Variants in ODF2L observed in about 807,000 individuals in gnomAD.
ODF2L encodes the protein protein BCAP.
In ODF2L, 76 loss-of-function variants were observed where a neutral mutation model predicts 86.3. The observed-to-expected ratio is 0.88, with a 90% CI of 0.73 to 1.07. The LOEUF is 1.07. ODF2L is among the 50% of genes least tolerant of loss of function. The pLI, the probability that ODF2L is intolerant of heterozygous loss-of-function variation, is 0.00. For missense variants in ODF2L, 748 were observed against 717.4 expected (o/e 1.04, Z -0.49); for synonymous variants, 241 against 231.3 (o/e 1.04, Z -0.38).
chr1:86,390,724 T>C lies in ODF2L; in HGVS notation c.-59-3638A>G, dbSNP rs572592385. On this transcript the variant is annotated intron_variant, in intron 1 of 17. Coordinates refer to ENST00000317336, the Ensembl canonical transcript of ODF2L. ...ATCTATGACAAACCCATAGCCAACA[T>C]AATACTGAATGGGGAAAAGTTGAAA... Among the ~76,000 whole-genome samples the C allele has an allele frequency of 2.0e-5, 3 of 152,122 alleles. No individual in the cohort carries two copies. In the South Asian group the frequency reaches 6.2e-4, roughly 32 times the overall value.
chr1:86,367,353 AG>A (rs1299168197), intron 11 of ODF2L, among the ~76,000 whole-genome samples: 2 of 152,196 alleles, frequency 1.3e-5, no homozygotes, highest in Non-Finnish European at 2.9e-5. Flanking sequence ...TCCAGTAAAA[AG>A]AAAAGGAAAC....
In ODF2L at chr1:86,382,990, T is replaced by C. The variant is rs527272495; in HGVS notation, c.448A>G (p.Lys150Glu). 3 of 1,540,588 alleles carry C rather than the reference T, an allele frequency of 1.9e-6. No homozygotes were observed. In the African/African-American group the frequency reaches 4.1e-5, roughly 21 times the overall value. Residue 150 changes from lysine (K) to glutamate (E), a missense_variant, in exon 6 of 18, where the codon AAG becomes GAG. Physicochemically the swap from Lys to Glu is moderately conservative, Grantham distance 56. Coordinates refer to ENST00000317336, the Ensembl canonical transcript of ODF2L. ...ATATGGGCCTCCTTTTCAAATACCT[T>C]CTTCTTAAGATTCTTGAGCAAATAT...
chr1:86,348,953 A>T (rs1022977368), downstream of ODF2L: 123 of 1,402,204 alleles, frequency 8.8e-5, no homozygotes, highest in African/African-American at 1.4e-3. Context: ...ATAATATTAA[A>T]AACATATATA....
intron 8 of ODF2L, among the ~76,000 whole-genome samples, chr1:86,374,041 T>C (rs915493714): frequency 1.1e-4 from 17 of 152,268 alleles, no homozygotes; most frequent in African/African-American, 3.1e-4. Flanking sequence ...AAAAACACAC[T>C]GGAAGGCCAC....
chr1:86,382,152 C>A, intron 7 of ODF2L, 90 bp downstream of exon 7: 1 of 1,402,910 alleles, frequency 7.1e-7, no homozygotes, highest in Non-Finnish European at 9.3e-7. Context: ...TATTTTAAAA[C>A]CACCAAATTC....
intron 1 of ODF2L, among the ~76,000 whole-genome samples, chr1:86,392,456 A>C (rs1661401874): frequency 6.6e-6 from 1 of 152,216 alleles, no homozygotes; most frequent in Non-Finnish European, 1.5e-5. Context: ...TATATAATAT[A>C]TACATGATAA....
At chr1:86,392,455 T>C (rs746763610) in intron 1 of ODF2L, among the ~76,000 whole-genome samples, 3 of 152,136 alleles carry the variant, frequency 2.0e-5, no homozygotes, top group Non-Finnish European at 4.4e-5. Context: ...ATATATAATA[T>C]ATACATGATA....
At chr1:86,371,018 C>A in exon 10 of ODF2L, 1 of 1,562,160 alleles carries the variant, frequency 6.4e-7, no homozygotes, top group South Asian at 1.3e-5. Flanking sequence ...TACATAGTAC[C>A]TTTAATTTTG....
chr1:86,354,614 G>T, exon 16 of ODF2L: 1 of 1,607,188 alleles, frequency 6.2e-7, no homozygotes. Flanking sequence ...ACTTAAGATT[G>T]CTGTGCTTAA....
At chr1:86,378,002 T>C (rs1660295971) in intron 7 of ODF2L, among the ~76,000 whole-genome samples, 1 of 152,270 alleles carries the variant, frequency 6.6e-6, no homozygotes, top group South Asian at 2.1e-4. Context: ...CAAACTTTTA[T>C]GCTCTGTTTC....
chr1:86,393,558 T>C (rs1661483714), intron 1 of ODF2L, among the ~76,000 whole-genome samples: 1 of 152,220 alleles, frequency 6.6e-6, no homozygotes, highest in Non-Finnish European at 1.5e-5. Context: ...ATTTAAAAGA[T>C]GGGCTGCAGA....
chr1:86,385,264 G>T (rs891079744), intron 3 of ODF2L, among the ~76,000 whole-genome samples, 194 bp downstream of exon 3: 2 of 151,918 alleles, frequency 1.3e-5, no homozygotes, highest in Non-Finnish European at 2.9e-5. Flanking sequence ...CCTCTTATCA[G>T]GTGTATGCTG....
intron 1 of ODF2L, among the ~76,000 whole-genome samples, chr1:86,391,572 G>C (rs1661332871): frequency 6.6e-6 from 1 of 152,130 alleles, no homozygotes; most frequent in African/African-American, 2.4e-5. Flanking sequence ...ACATAAAGTG[G>C]GGAAAAGACA....
At chr1:86,365,047 C>T (rs774535433) in intron 11 of ODF2L, among the ~76,000 whole-genome samples, 28 of 152,104 alleles carry the variant, frequency 1.8e-4, no homozygotes, top group Non-Finnish European at 7.4e-5. Flanking sequence ...AATCAAATTT[C>T]TAATTATAAA....
chr1:86,363,044 G>A (rs1570372309), intron 11 of ODF2L, among the ~76,000 whole-genome samples: 1 of 152,212 alleles, frequency 6.6e-6, no homozygotes, highest in Non-Finnish European at 1.5e-5. Context: ...TGATCAGGAG[G>A]TCACAGTAAC....
At chr1:86,388,529 A>C (rs565293348) in intron 1 of ODF2L, among the ~76,000 whole-genome samples, 1 of 152,246 alleles carries the variant, frequency 6.6e-6, no homozygotes, top group East Asian at 1.9e-4. Context: ...GAACGAAAAC[A>C]TTAAGGCTTA....
rs1448722377 is a variant in ODF2L, at chr1:86,382,420, A to G, written c.508-62T>C. 2.5e-6 allele frequency: 4 copies of G among 1,583,462 alleles called. No homozygotes were observed. In the African/African-American group the frequency reaches 4.1e-5, roughly 16 times the overall value. Reference sequence around the variant, plus strand: ...TATTATTTGCTGTATCCCCAGCCCAATATCTTTAATTTTACCCTGATTTAG... The same window carrying G: ...TATTATTTGCTGTATCCCCAGCCCAGTATCTTTAATTTTACCCTGATTTAG... On this transcript the variant is annotated intron_variant, in intron 6 of 17. Transcript: ENST00000317336.
chr1:86,390,547 T>G (rs1661252341), intron 1 of ODF2L, among the ~76,000 whole-genome samples: 2 of 152,206 alleles, frequency 1.3e-5, no homozygotes, highest in African/African-American at 4.8e-5. Context: ...TCAATAAATG[T>G]GATACACCAC....
chr1:86,374,620 C>G (rs1212130512), intron 8 of ODF2L, among the ~76,000 whole-genome samples: 1 of 152,148 alleles, frequency 6.6e-6, no homozygotes, highest in Non-Finnish European at 1.5e-5. Flanking sequence ...TCGTACTTTC[C>G]AAATCCCCAT....
Sources: allele counts gnomAD v4.1 joint callset (sites outside exome capture counted in the v4.1 genomes callset), GRCh38; gene constraint gnomAD v4.1.1; transcripts MANE v1.5; gene names NCBI Gene and HGNC (gene_info 2026-07-23, HGNC 2026-07-21).